Variants in SETDB1 observed in about 807,000 individuals in gnomAD.
The protein encoded by SETDB1 is histone-lysine N-methyltransferase SETDB1.
SETDB1 carries 31 observed loss-of-function variants against 137.4 expected under a neutral mutation model. That is an observed-to-expected ratio of 0.23 (90% confidence interval 0.17 to 0.30). SETDB1 has a LOEUF of 0.30. Among genes scored for constraint, SETDB1 ranks in the 10% least tolerant of loss-of-function variants. The pLI, the probability that SETDB1 is intolerant of heterozygous loss-of-function variation, is 1.00. For synonymous variants in SETDB1, 548 were observed against 579.9 expected (o/e 0.95, Z 0.79); for missense variants, 1,113 against 1,631.5 (o/e 0.68, Z 5.47).
At chr1:150,931,828 A>G (rs898029445) in intron 3 of SETDB1, among the ~76,000 whole-genome samples, 8 of 150,672 alleles carry the variant, frequency 5.3e-5, no homozygotes, top group African/African-American at 1.7e-4. Context: ...TAGGTTTTCT[A>G]TAGATGTCAT....
Position 150,961,185 on chromosome 1 carries a change from G to T in SETDB1, c.3126G>T (p.Lys1042Asn). 6.2e-7 allele frequency: 1 copy of T among 1,612,984 alleles called. No individual in the cohort carries two copies. The highest frequency in any genetic ancestry group is 2.2e-5 in the East Asian group (1 of 44,880). ...IKDEGDIKQA[K>N]KEDTDDRNKM... ...ATGAGGGAGACATCAAACAGGCCAAGAAAGAGGTAAGCAGTGGCAGAACAC... is the reference window on the plus strand; with the variant it reads ...ATGAGGGAGACATCAAACAGGCCAATAAAGAGGTAAGCAGTGGCAGAACAC... Residue 1042 changes from lysine (K) to asparagine (N), a missense_variant, in exon 16 of 22, where the codon AAG becomes AAT. By Grantham distance (94) the Lys-to-Asn change is moderately conservative. Coordinates refer to ENST00000692827, the MANE Select transcript of SETDB1 (RefSeq NM_001366418.1).
intron 9 of SETDB1, chr1:150,945,338 T>G (rs1345025923): frequency 5.7e-6 from 8 of 1,409,904 alleles, no homozygotes; most frequent in Non-Finnish European, 7.4e-6. Flanking sequence ...GGTTTTGATT[T>G]ATTTATTTTT....
chr1:150,945,154 G>A (rs776843147), intron 9 of SETDB1, 46 bp downstream of exon 9: 3 of 1,610,786 alleles, frequency 1.9e-6, no homozygotes, highest in African/African-American at 2.7e-5. Context: ...TGGTGGGGGG[G>A]GAACTTAAGA....
At chr1:150,957,834 G>A (rs1670691169) in intron 14 of SETDB1, among the ~76,000 whole-genome samples, 2 of 152,132 alleles carry the variant, frequency 1.3e-5, no homozygotes. Context: ...ATCCTCAGTA[G>A]CTGGGATTAC....
At chr1:150,941,628 G>A (rs1670161510) in intron 5 of SETDB1, among the ~76,000 whole-genome samples, 200 bp downstream of exon 5, 1 of 152,098 alleles carries the variant, frequency 6.6e-6, no homozygotes, top group South Asian at 2.1e-4. Context: ...CTACATTTAG[G>A]CTGTTTCCAT....
intron 9 of SETDB1, among the ~76,000 whole-genome samples, chr1:150,946,276 T>G (rs587715569): frequency 6.6e-6 from 1 of 151,962 alleles, no homozygotes; most frequent in South Asian, 2.1e-4. Flanking sequence ...GCCTCATCCT[T>G]TCGACATACC....
At chr1:150,961,407 C>G in intron 16 of SETDB1, 1 of 523,926 alleles carries the variant, frequency 1.9e-6, no homozygotes, top group Non-Finnish European at 3.4e-6. Flanking sequence ...AATCCCAACA[C>G]TTTGGGAGGC....
At chr1:150,943,893 C>G in intron 7 of SETDB1, 27 bp from the exon 8 acceptor site, 1 of 1,431,966 alleles carries the variant, frequency 7.0e-7, no homozygotes, top group Non-Finnish European at 9.8e-7. Context: ...ACCCCCAGAT[C>G]TTTCTGCTGT....
At chr1:150,962,070 T>G (rs1477371507) in intron 16 of SETDB1, 60 bp from the exon 17 acceptor site, 1 of 1,605,266 alleles carries the variant, frequency 6.2e-7, no homozygotes, top group African/African-American at 1.3e-5. Flanking sequence ...TGAAGTCTGA[T>G]TATTGGACTT....
rs951607844 is a variant in SETDB1, at chr1:150,926,374, T to C, written c.-155T>C. ...GTTTGCTTCCGGGCGTTTCTTTTGC[T>C]TCCCCTTCCCTCTTTCACGCTTCCT... On this transcript the variant is annotated 5_prime_UTR_variant, in exon 1 of 22. Transcript: ENST00000692827. The C allele has an allele frequency of 4.6e-6, 1 of 217,392 alleles. No individual in the cohort carries two copies. The highest frequency in any genetic ancestry group is 9.3e-6 in the Non-Finnish European group (1 of 107,262). 13.5% of individuals were successfully genotyped at this position (217,392 alleles called of 1,614,324 possible).
intron 9 of SETDB1, 131 bp downstream of exon 9, chr1:150,945,239 T>G: frequency 6.8e-7 from 1 of 1,480,724 alleles, no homozygotes; most frequent in Non-Finnish European, 9.0e-7. Flanking sequence ...TCTCACTGTT[T>G]TTGGTCAAAT....
At chr1:150,928,175 C>T in intron 2 of SETDB1, 1 of 577,196 alleles carries the variant, frequency 1.7e-6, no homozygotes, top group Non-Finnish European at 3.0e-6. Context: ...CTCCCACCTC[C>T]CCCTCCCGAG....
At chr1:150,942,737 C>T (rs374739755) in intron 6 of SETDB1, 49 bp downstream of exon 6, 1 of 1,600,962 alleles carries the variant, frequency 6.2e-7, no homozygotes, top group Non-Finnish European at 8.5e-7. Context: ...CCTGCACCCT[C>T]CACTGCTGAT....
Position 150,961,180 on chromosome 1 carries a change from G to A in SETDB1, c.3121G>A (p.Ala1041Thr). 1.2e-6 allele frequency: 2 copies of A among 1,613,200 alleles called. No individual in the cohort carries two copies. The highest frequency in any genetic ancestry group is 1.1e-5 in the South Asian group (1 of 91,020). ...GIKDEGDIKQ[A>T]KKEDTDDRNK... ...CAAGGATGAGGGAGACATCAAACAGGCCAAGAAAGAGGTAAGCAGTGGCAG... is the reference window on the plus strand; with the variant it reads ...CAAGGATGAGGGAGACATCAAACAGACCAAGAAAGAGGTAAGCAGTGGCAG... The change falls in exon 16 of 22, where the codon GCC (alanine) becomes ACC (threonine). Residue 1041 changes from alanine to threonine, a missense_variant. Coordinates refer to ENST00000692827, the MANE Select transcript of SETDB1 (RefSeq NM_001366418.1).
intron 3 of SETDB1, among the ~76,000 whole-genome samples, chr1:150,936,405 A>C (rs1669946608): frequency 6.6e-6 from 1 of 152,144 alleles, no homozygotes; most frequent in African/African-American, 2.4e-5. Context: ...TCAGAGTTAC[A>C]TTTAGTTCTG....
intron 14 of SETDB1, among the ~76,000 whole-genome samples, chr1:150,952,062 C>G (rs900915733): frequency 1.3e-5 from 2 of 151,758 alleles, no homozygotes; most frequent in Admixed American, 6.6e-5. Context: ...GCAGGAGAAT[C>G]GCTTGAATCC....
chr1:150,958,184 C>CA (rs1156374407), intron 14 of SETDB1, among the ~76,000 whole-genome samples: 100 of 84,222 alleles, frequency 1.2e-3, no homozygotes, highest in Non-Finnish European at 1.4e-3. Flanking sequence ...ACTCTGTCTC[C>CA]AAAAAAAAAA....
Position 150,960,958 on chromosome 1 carries a change from G to A in SETDB1, c.2899G>A (p.Gly967Ser). ...TCCTGTTCCTCCCTCAATCCCTGTAGGTGGCTGCAATCCACCTTCCTCCGA... is the reference window on the plus strand; with the variant it reads ...TCCTGTTCCTCCCTCAATCCCTGTAAGTGGCTGCAATCCACCTTCCTCCGA... ...HIPVPPSIPV[G>S]GCNPPSSEET... The change falls in exon 16 of 22, where the codon GGT becomes AGT. Residue 967 changes from glycine to serine, a missense_variant. Physicochemically the swap from Gly to Ser is moderately conservative, Grantham distance 56. This residue lies in a region of SETDB1 where 373 missense variants were observed against 412.7 expected (regional missense o/e 0.90). Coordinates refer to ENST00000692827, the MANE Select transcript of SETDB1 (RefSeq NM_001366418.1). The A allele has an allele frequency of 6.2e-7, 1 of 1,613,802 alleles. No individual in the cohort carries two copies. The highest frequency in any genetic ancestry group is 8.5e-7 in the Non-Finnish European group (1 of 1,179,976).
At chr1:150,926,921 C>T (rs1669542753) in intron 1 of SETDB1, 1 of 489,974 alleles carries the variant, frequency 2.0e-6, no homozygotes, top group Non-Finnish European at 4.2e-6. Flanking sequence ...AGTAAAATTC[C>T]ACATGGAAGC....
Sources: gnomAD v4.1 joint callset for allele counts (sites outside exome capture counted in the v4.1 genomes callset) on GRCh38, gnomAD v4.1.1 for gene constraint, gnomAD v4.1.1 regional missense constraint, MANE v1.5 for transcripts, NCBI Gene and HGNC (gene_info 2026-07-23, HGNC 2026-07-21) for gene names.